Variants in DAB1 observed in about 807,000 individuals in gnomAD.
DAB1 encodes the protein disabled homolog 1.
Under a neutral mutation model 64.6 loss-of-function variants are expected in DAB1, and 15 were observed. That is an observed-to-expected ratio of 0.23 (90% CI 0.16 to 0.36). DAB1 has a LOEUF of 0.36. Ranked by LOEUF, DAB1 falls within the 10% of genes least tolerant of loss-of-function variation. The pLI, the probability that DAB1 is intolerant of heterozygous loss-of-function variation, is 1.00. For synonymous variants in DAB1, 235 were observed against 251.9 expected, an observed-to-expected ratio of 0.93 and a Z score of 0.64; for missense variants, 596 against 706.7, an observed-to-expected ratio of 0.84 and a Z score of 1.78.
chr1:58,105,146 C>A (rs1055629187), intron 5 of DAB1, among the ~76,000 whole-genome samples: 4 of 152,114 alleles, frequency 2.6e-5, no homozygotes, highest in African/African-American at 9.7e-5. Flanking sequence ...GAGATCAAGC[C>A]CTGCAAAAGA....
intron 5 of DAB1, among the ~76,000 whole-genome samples, chr1:58,123,081 G>A (rs1224596467): frequency 6.6e-6 from 1 of 152,102 alleles, no homozygotes; most frequent in African/African-American, 2.4e-5. Context: ...TATTCTGAAG[G>A]TGAATGAGAT....
At chr1:57,335,260 CA>C (rs555577280) in intron 1 of DAB1, among the ~76,000 whole-genome samples, 257 of 151,582 alleles carry the variant, frequency 1.7e-3, no homozygotes, top group Middle Eastern at 0.01. Flanking sequence ...TTAAAAAAAG[CA>C]AAATACATTT....
At chr1:57,367,601 C>CA (rs1680163454) in intron 1 of DAB1, among the ~76,000 whole-genome samples, 1 of 152,204 alleles carries the variant, frequency 6.6e-6, no homozygotes, top group African/African-American at 2.4e-5. Flanking sequence ...ATACCAATGG[C>CA]AGTGGCGACC....
At chr1:58,538,554 T>C (rs997544410) in intron 1 of DAB1, among the ~76,000 whole-genome samples, 4 of 152,274 alleles carry the variant, frequency 2.6e-5, no homozygotes, top group South Asian at 4.1e-4. Flanking sequence ...TTCTATACCA[T>C]AAATTAGTAT....
intron 6 of DAB1, among the ~76,000 whole-genome samples, chr1:57,780,979 T>C (rs1355871521): frequency 6.6e-6 from 1 of 151,484 alleles, no homozygotes; most frequent in Non-Finnish European, 1.5e-5. Context: ...CTACCTGCCT[T>C]GGCCTCCCAA....
chr1:57,993,366 G>C (rs1646377049), intron 5 of DAB1, among the ~76,000 whole-genome samples: 1 of 152,174 alleles, frequency 6.6e-6, no homozygotes, highest in African/African-American at 2.4e-5. Context: ...CCAATGAGCA[G>C]ATAATATATT....
At chr1:57,071,413 C>G in intron 6 of DAB1, 109 bp downstream of exon 6, 1 of 1,323,526 alleles carries the variant, frequency 7.6e-7, no homozygotes, top group Non-Finnish European at 1.0e-6. Context: ...AATCTTTCAT[C>G]TTCGTTTATT....
intron 3 of DAB1, among the ~76,000 whole-genome samples, chr1:58,431,885 C>T (rs1172078065): frequency 6.6e-6 from 1 of 152,204 alleles, no homozygotes; most frequent in Non-Finnish European, 1.5e-5. Flanking sequence ...CAACTCCAGG[C>T]TGAGAACTCA....
chr1:58,147,993 A>G (rs1319790910), intron 5 of DAB1, among the ~76,000 whole-genome samples: 1 of 151,912 alleles, frequency 6.6e-6, no homozygotes, highest in African/African-American at 2.4e-5. Context: ...GAAAAAAAAA[A>G]AAAAAAGCAA....
At chr1:57,710,410 A>G (rs1474420303) in intron 6 of DAB1, among the ~76,000 whole-genome samples, 2 of 152,168 alleles carry the variant, frequency 1.3e-5, no homozygotes, top group African/African-American at 4.8e-5. Flanking sequence ...ACCATCTGTA[A>G]CTCAAAACAA....
rs555774754 is a variant in DAB1, at chr1:57,782,383, G to A, written n.551+101616C>T. ...GTCTCACAACTAGACATTCATATCTGTGGCTTAAATCTTCACTGCCATTTC... is the reference window on the plus strand; with the variant it reads ...GTCTCACAACTAGACATTCATATCTATGGCTTAAATCTTCACTGCCATTTC... On this transcript the variant is annotated intron_variant and non_coding_transcript_variant, in intron 6 of 20. Transcript: ENST00000485760. 1.2e-4 allele frequency among the ~76,000 whole-genome samples: 18 copies of A among 152,272 alleles called. 1 individual carries two copies. In the East Asian group the frequency reaches 3.1e-3, roughly 26 times the overall value.
intron 1 of DAB1, among the ~76,000 whole-genome samples, chr1:57,323,040 T>C (rs1002216613): frequency 4.1e-5 from 2 of 48,668 alleles, no homozygotes; most frequent in African/African-American, 2.4e-4. Flanking sequence ...CTCAGGAGAG[T>C]TCTGAGATTT....
chr1:58,064,261 C>A (rs1310437095), intron 5 of DAB1, among the ~76,000 whole-genome samples: 3 of 152,176 alleles, frequency 2.0e-5, no homozygotes, highest in Admixed American at 6.5e-5. Flanking sequence ...ACACAACCCA[C>A]AATCTGTCTG....
intron 6 of DAB1, among the ~76,000 whole-genome samples, chr1:57,776,324 G>C (rs1003519409): frequency 6.6e-6 from 1 of 151,646 alleles, no homozygotes; most frequent in Admixed American, 6.6e-5. Flanking sequence ...AAACACTTCT[G>C]GTCCAGGCAT....
Position 57,918,108 on chromosome 1 carries a change from T to A in DAB1, n.388-33946A>T, listed in dbSNP as rs137872800. On this transcript the variant is annotated intron_variant and non_coding_transcript_variant, in intron 5 of 20. Coordinates refer to the DAB1 transcript ENST00000485760. ...AAATAAATAAATAAATAAATAAATA[T>A]AAAAATATGATTTACACTTTAAATG... is the stretch of plus-strand genomic sequence containing the variant. 9.5e-5 allele frequency among the ~76,000 whole-genome samples: 12 copies of A among 126,174 alleles called. No homozygotes were observed. In the East Asian group the frequency reaches 9.8e-4, roughly 10 times the overall value. The allele number at this position is 126,174 out of a possible 152,430, so 82.8% of individuals were successfully genotyped here.
At chr1:58,329,810 A>G (rs537727463) in intron 4 of DAB1, among the ~76,000 whole-genome samples, 2 of 152,270 alleles carry the variant, frequency 1.3e-5, no homozygotes, top group Admixed American at 1.3e-4. Context: ...CCCATTTTTT[A>G]TGATGAACTT....
intron 3 of DAB1, among the ~76,000 whole-genome samples, chr1:58,467,698 T>G (rs1645310063): frequency 6.6e-6 from 1 of 152,224 alleles, no homozygotes; most frequent in Non-Finnish European, 1.5e-5. Flanking sequence ...TCAAATTATT[T>G]TATTATTTTT....
chr1:57,596,290 T>C (rs941037673), intron 7 of DAB1, among the ~76,000 whole-genome samples: 2 of 147,436 alleles, frequency 1.4e-5, no homozygotes, highest in African/African-American at 4.9e-5. Context: ...GGCTAACTGC[T>C]ACTCACCTTC....
intron 6 of DAB1, among the ~76,000 whole-genome samples, chr1:57,712,166 T>C (rs1390311384): frequency 8.5e-5 from 13 of 152,202 alleles, no homozygotes; most frequent in Non-Finnish European, 1.5e-5. Flanking sequence ...TTAAGTGACA[T>C]GTTATTACTT....
Sources: allele counts gnomAD v4.1 joint callset (sites outside exome capture counted in the v4.1 genomes callset), GRCh38; gene constraint gnomAD v4.1.1; transcripts MANE v1.5; gene names NCBI Gene and HGNC (gene_info 2026-07-23, HGNC 2026-07-21).